Variants in CENPP observed in about 807,000 individuals in gnomAD.
The protein encoded by CENPP is centromere protein P.
In CENPP, 24 loss-of-function variants were observed where a neutral mutation model predicts 35.6. The ratio of observed to expected loss-of-function variants is 0.67; its 90% CI spans 0.49 to 0.95. The LOEUF (loss-of-function observed/expected upper bound fraction) is 0.95, where lower values mean the gene tolerates loss of function less well. CENPP is among the 40% of genes least tolerant of loss of function. The pLI, the probability that CENPP is intolerant of heterozygous loss-of-function variation, is 0.00. For missense variants in CENPP, 332 were observed against 345.3 expected, an observed-to-expected ratio of 0.96 and a Z score of 0.31; for synonymous variants, 120 against 125.5, an observed-to-expected ratio of 0.96 and a Z score of 0.29.
intron 5 of CENPP, chr9:92,404,490 G>T (rs745538020): frequency 7.8e-7 from 1 of 1,280,898 alleles, no homozygotes; most frequent in South Asian, 1.3e-5. Flanking sequence ...TGAAAAGTAA[G>T]CCTACCGTTG....
chr9:92,587,624 C>T (rs78666758), intron 5 of CENPP, among the ~76,000 whole-genome samples: 6,075 of 152,194 alleles, frequency 0.04, 186 homozygotes, highest in South Asian at 0.099. Flanking sequence ...TCCATTTATA[C>T]GAAGTATCCA....
At chr9:92,522,884 C>T in intron 5 of CENPP, 1 of 1,579,042 alleles carries the variant, frequency 6.3e-7, no homozygotes, top group Non-Finnish European at 8.6e-7. Context: ...TTTTTTCCAC[C>T]AGCCAATTTC....
chr9:92,327,798 C>T (rs1356646565), intron 1 of CENPP, among the ~76,000 whole-genome samples: 2 of 152,076 alleles, frequency 1.3e-5, no homozygotes, highest in African/African-American at 4.8e-5. Context: ...GAGGCCAGTG[C>T]TAGTGAAAAA....
At chr9:92,527,456 C>T (rs1421798473) in intron 5 of CENPP, among the ~76,000 whole-genome samples, 4 of 152,136 alleles carry the variant, frequency 2.6e-5, no homozygotes, top group Non-Finnish European at 1.5e-5. Context: ...CATCTAGGTT[C>T]GTGTAAGTAC....
At chr9:92,584,537 C>G (rs775107872) in intron 5 of CENPP, among the ~76,000 whole-genome samples, 1 of 151,958 alleles carries the variant, frequency 6.6e-6, no homozygotes, top group South Asian at 2.1e-4. Flanking sequence ...TTTTAAGAGA[C>G]GGGGTCTCAC....
chr9:92,601,423 C>T (rs1022548767), intron 5 of CENPP, among the ~76,000 whole-genome samples: 5 of 152,110 alleles, frequency 3.3e-5, no homozygotes, highest in South Asian at 2.1e-4. Flanking sequence ...CTGGTGCTGC[C>T]GGCGGTTAGT....
In CENPP at chr9:92,398,245, T is replaced by C. The variant is rs374347020; in HGVS notation, c.564+18386T>C. 1.2e-4 allele frequency among the ~76,000 whole-genome samples: 18 copies of C among 152,378 alleles called. 1 individual carries two copies. Among genetic ancestry groups the C allele is most frequent in the East Asian group, 9.6e-4 (5 of 5,194 alleles). ...TTTCTTCCTTTGCTGAGTTATTAAT[T>C]TGAAGCACAATCAAGTTTATGTTTT... On this transcript the variant is annotated intron_variant, in intron 5 of 7. Transcript: ENST00000375587.
chr9:92,439,193 A>T (rs1588130266), intron 5 of CENPP, among the ~76,000 whole-genome samples: 1 of 152,186 alleles, frequency 6.6e-6, no homozygotes, highest in East Asian at 1.9e-4. Flanking sequence ...GTTAGAAGTT[A>T]TTGGCTAAAT....
At chr9:92,361,553 C>T (rs944045370) in intron 4 of CENPP, among the ~76,000 whole-genome samples, 2 of 151,596 alleles carry the variant, frequency 1.3e-5, no homozygotes, top group African/African-American at 2.4e-5. Context: ...AATCTTGGCT[C>T]ACTGCAACCT....
chr9:92,333,749 A>T lies in CENPP; in HGVS notation c.289+1398A>T, dbSNP rs549103109. Among the ~76,000 whole-genome samples, 3 of 151,660 alleles carry T rather than the reference A, an allele frequency of 2.0e-5. No homozygotes were observed. The East Asian group carries it at 5.8e-4, about 29-fold the overall frequency. ...TTTTTGTTTGTTTTATTTTTTCGAG[A>T]TGGAGTTTTGCACTGTCACCCGGGC... On this transcript the variant is annotated intron_variant, in intron 2 of 7. Coordinates refer to ENST00000375587, the MANE Select transcript of CENPP (RefSeq NM_001012267.3).
chr9:92,498,017 T>G (rs992919006), intron 5 of CENPP, among the ~76,000 whole-genome samples: 3 of 152,156 alleles, frequency 2.0e-5, no homozygotes, highest in Admixed American at 6.5e-5. Context: ...CAGATGCCAG[T>G]GCCGTGCTAC....
intron 5 of CENPP, chr9:92,514,652 T>C: frequency 6.3e-7 from 1 of 1,587,938 alleles, no homozygotes; most frequent in South Asian, 1.1e-5. Flanking sequence ...AGACTTGTTA[T>C]CTGTGGTGCT....
At chr9:92,601,785 A>G (rs1189322622) in intron 5 of CENPP, among the ~76,000 whole-genome samples, 1 of 152,198 alleles carries the variant, frequency 6.6e-6, no homozygotes, top group Non-Finnish European at 1.5e-5. Context: ...CCCAACAGCA[A>G]AGCGACTGAC....
Position 92,383,527 on chromosome 9 carries a change from T to A in CENPP, c.564+3668T>A, listed in dbSNP as rs75435615. The stretch of plus-strand genomic sequence containing the variant: ...AATTTAAAGCCTCTAATTATTAGTG[T>A]CAAGAATGAAACATTATGAATATAA... On this transcript the variant is annotated intron_variant, in intron 5 of 7. Coordinates refer to ENST00000375587, the MANE Select transcript of CENPP (RefSeq NM_001012267.3). 4.8e-3 allele frequency among the ~76,000 whole-genome samples: 735 copies of A among 152,286 alleles called. 13 individuals carry two copies. The highest frequency in any genetic ancestry group is 0.017 in the African/African-American group (698 of 41,560).
intron 3 of CENPP, among the ~76,000 whole-genome samples, chr9:92,342,871 G>A (rs1351513276): frequency 6.6e-6 from 1 of 152,136 alleles, no homozygotes; most frequent in East Asian, 1.9e-4. Flanking sequence ...GAATTGCTGG[G>A]TCAAAGGAAA....
At chr9:92,566,639 A>G (rs1849974529) in intron 5 of CENPP, among the ~76,000 whole-genome samples, 1 of 152,192 alleles carries the variant, frequency 6.6e-6, no homozygotes, top group African/African-American at 2.4e-5. Context: ...TAATCAGCAA[A>G]TTTGGAGATA....
chr9:92,553,576 T>C (rs1206356744), intron 5 of CENPP, among the ~76,000 whole-genome samples: 1 of 152,190 alleles, frequency 6.6e-6, no homozygotes, highest in African/African-American at 2.4e-5. Context: ...TCATCTATGA[T>C]TTCTTTCAGC....
intron 4 of CENPP, among the ~76,000 whole-genome samples, chr9:92,352,505 GTA>G (rs1554753078): frequency 2.0e-5 from 1 of 49,794 alleles, no homozygotes; most frequent in African/African-American, 1.8e-4. Flanking sequence ...GTGTGTGTGT[GTA>G]TACATATATA....
intron 5 of CENPP, chr9:92,494,112 T>C: frequency 6.3e-7 from 1 of 1,597,976 alleles, no homozygotes; most frequent in Non-Finnish European, 8.5e-7. Context: ...ACATCTGATC[T>C]GTTTGTCACT....
Sources: allele counts gnomAD v4.1 joint callset (sites outside exome capture counted in the v4.1 genomes callset), GRCh38; gene constraint gnomAD v4.1.1; transcripts MANE v1.5; gene names NCBI Gene and HGNC (gene_info 2026-07-23, HGNC 2026-07-21).